HS3ST3A1: variants seen among roughly 807,000 people sequenced by gnomAD.
HS3ST3A1 encodes the protein heparan sulfate-glucosamine 3-sulfotransferase 3A1, also known as heparan sulfate glucosamine 3-O-sulfotransferase 3A1.
HS3ST3A1 carries 19 observed loss-of-function variants against 25.7 expected under a neutral mutation model. The ratio of observed to expected loss-of-function variants is 0.74; its 90% CI spans 0.52 to 1.08. The LOEUF is 1.08. HS3ST3A1 is among the 50% of genes least tolerant of loss of function. The pLI is 0.00. For synonymous variants in HS3ST3A1, 226 were observed against 278.6 expected (o/e 0.81, Z 1.88); for missense variants, 459 against 594.3 (o/e 0.77, Z 2.37).
intron 1 of HS3ST3A1, among the ~76,000 whole-genome samples, chr17:13,519,947 G>A (rs1906179283): frequency 1.3e-5 from 2 of 152,160 alleles, no homozygotes; most frequent in Admixed American, 6.6e-5. Context: ...AGAGGTAGCA[G>A]GATGGGAAAA....
intron 1 of HS3ST3A1, among the ~76,000 whole-genome samples, chr17:13,533,119 G>A (rs1024996851): frequency 1.3e-5 from 2 of 152,088 alleles, no homozygotes; most frequent in South Asian, 4.2e-4. Flanking sequence ...TGTCAAGATT[G>A]TGGAGGAGGG....
chr17:13,554,593 T>C (rs906965881), intron 1 of HS3ST3A1, among the ~76,000 whole-genome samples: 2 of 152,192 alleles, frequency 1.3e-5, no homozygotes, highest in African/African-American at 4.8e-5. Context: ...AGCTGATTAT[T>C]GCCTTTCTTG....
chr17:13,568,130 C>G (rs1258661904), intron 1 of HS3ST3A1, among the ~76,000 whole-genome samples: 1 of 152,088 alleles, frequency 6.6e-6, no homozygotes, highest in Non-Finnish European at 1.5e-5. Context: ...CAGCAGCCAT[C>G]GACACTGAGG....
intron 1 of HS3ST3A1, among the ~76,000 whole-genome samples, chr17:13,586,467 C>T (rs1198807765): frequency 6.6e-6 from 1 of 151,780 alleles, no homozygotes; most frequent in Non-Finnish European, 1.5e-5. Flanking sequence ...CTGACTCTGC[C>T]TCCAGTGCCT....
chr17:13,523,845 G>A (rs760178006), intron 1 of HS3ST3A1, among the ~76,000 whole-genome samples: 18 of 151,900 alleles, frequency 1.2e-4, no homozygotes, highest in Admixed American at 2.6e-4. Flanking sequence ...ATTTTTGGCC[G>A]TATCTAGTCT....
At chr17:13,586,684 G>A (rs1315568443) in intron 1 of HS3ST3A1, among the ~76,000 whole-genome samples, 1 of 150,752 alleles carries the variant, frequency 6.6e-6, no homozygotes, top group Admixed American at 6.6e-5. Flanking sequence ...TGGCTAACAC[G>A]GTGAAACCCC....
At chr17:13,518,273 G>C (rs1166183619) in intron 1 of HS3ST3A1, among the ~76,000 whole-genome samples, 1 of 152,154 alleles carries the variant, frequency 6.6e-6, no homozygotes, top group East Asian at 1.9e-4. Flanking sequence ...TCCATCATTA[G>C]AGGACTGCTG....
chr17:13,573,723 C>A (rs754571556), intron 1 of HS3ST3A1, among the ~76,000 whole-genome samples: 8 of 152,152 alleles, frequency 5.3e-5, no homozygotes, highest in Middle Eastern at 3.2e-3. Context: ...GTACCCCTCC[C>A]CCAAATTCAT....
intron 1 of HS3ST3A1, among the ~76,000 whole-genome samples, chr17:13,591,673 T>G (rs80332405): frequency 1.4e-3 from 152 of 109,584 alleles, no homozygotes; most frequent in Middle Eastern, 0.012. Context: ...TTTTTTTTTT[T>G]TTTGGGACAG....
chr17:13,533,058 C>T (rs1906656235), intron 1 of HS3ST3A1, among the ~76,000 whole-genome samples: 1 of 152,058 alleles, frequency 6.6e-6, no homozygotes, highest in African/African-American at 2.4e-5. Context: ...ACAACAGCAC[C>T]TGCTCCATCC....
At chr17:13,510,708 ATTT>A (rs10709522) in intron 1 of HS3ST3A1, among the ~76,000 whole-genome samples, 1 of 145,072 alleles carries the variant, frequency 6.9e-6, no homozygotes, top group African/African-American at 2.5e-5. Flanking sequence ...AGTGTCCTTG[ATTT>A]TTTTTTTTTT....
At chr17:13,512,811 T>A (rs894380596) in intron 1 of HS3ST3A1, among the ~76,000 whole-genome samples, 2 of 152,202 alleles carry the variant, frequency 1.3e-5, no homozygotes, top group African/African-American at 4.8e-5. Context: ...GATCTGCGTA[T>A]GTCTTTGTTT....
intron 1 of HS3ST3A1, among the ~76,000 whole-genome samples, chr17:13,514,841 C>T (rs891763928): frequency 6.6e-6 from 1 of 152,160 alleles, no homozygotes; most frequent in Non-Finnish European, 1.5e-5. Context: ...ATAGAGTTGT[C>T]TTCCAGAAAT....
chr17:13,556,226 G>A (rs1052498168), intron 1 of HS3ST3A1, among the ~76,000 whole-genome samples: 4 of 152,204 alleles, frequency 2.6e-5, no homozygotes, highest in East Asian at 1.9e-4. Flanking sequence ...AGGCAAAGCC[G>A]GCCGGGCGCG....
intron 1 of HS3ST3A1, among the ~76,000 whole-genome samples, chr17:13,529,572 G>A (rs1200968025): frequency 6.6e-6 from 1 of 152,084 alleles, no homozygotes; most frequent in African/African-American, 2.4e-5. Context: ...AATCCCATTT[G>A]ACTTTTCACA....
At chr17:13,589,384 C>T (rs1402775932) in intron 1 of HS3ST3A1, among the ~76,000 whole-genome samples, 1 of 152,182 alleles carries the variant, frequency 6.6e-6, no homozygotes, top group Non-Finnish European at 1.5e-5. Context: ...AGCTTTAGCT[C>T]CCTGTGACCT....
chr17:13,537,480 A>G (rs547799880), intron 1 of HS3ST3A1, among the ~76,000 whole-genome samples: 30 of 152,258 alleles, frequency 2.0e-4, no homozygotes, highest in African/African-American at 7.2e-4. Context: ...TACTTTGCAC[A>G]AAGGTGAATA....
chr17:13,554,154 CT>C (rs34470811), intron 1 of HS3ST3A1, among the ~76,000 whole-genome samples: 1 of 152,082 alleles, frequency 6.6e-6, no homozygotes, highest in Non-Finnish European at 1.5e-5. Context: ...TCGATTGTAC[CT>C]TTTTTCTGAG....
At position 13,495,247 on chromosome 17, in the gene HS3ST3A1, G is replaced by A. The variant is rs1567605821; in HGVS notation, c.*950C>T. Among the ~76,000 whole-genome samples the A allele has an allele frequency of 1.3e-5, 2 of 152,106 alleles. No homozygotes were observed. Among genetic ancestry groups the A allele is most frequent in the Non-Finnish European group, 1.5e-5 (1 of 68,012 alleles). On this transcript the variant is annotated 3_prime_UTR_variant, in exon 2 of 2. Coordinates refer to ENST00000284110, the MANE Select transcript of HS3ST3A1 (RefSeq NM_006042.3). ...GCTGGCCACCTTGTCCTCCATGCAA[G>A]AATCCAATAATTCCTCTCCAATTCA...
Sources: gnomAD v4.1 joint callset for allele counts (sites outside exome capture counted in the v4.1 genomes callset) on GRCh38, gnomAD v4.1.1 for gene constraint, MANE v1.5 for transcripts, NCBI Gene and HGNC (gene_info 2026-07-23, HGNC 2026-07-21) for gene names.